PTPRD: variants seen among roughly 807,000 people sequenced by gnomAD.
The protein encoded by PTPRD is protein tyrosine phosphatase receptor type D, also known as receptor-type tyrosine-protein phosphatase delta.
PTPRD carries 34 observed loss-of-function variants against 214.5 expected under a neutral mutation model. The ratio of observed to expected loss-of-function variants is 0.16; its 90% CI spans 0.12 to 0.21. The LOEUF (loss-of-function observed/expected upper bound fraction) is 0.21. PTPRD is among the 10% of genes least tolerant of loss of function. The pLI, the probability that PTPRD is intolerant of heterozygous loss-of-function variation, is 1.00. For synonymous variants in PTPRD, 1,128 were observed against 845.7 expected (o/e 1.33, Z -5.79); for missense variants, 2,545 against 2,398.7 (o/e 1.06, Z -1.27).
intron 12 of PTPRD, among the ~76,000 whole-genome samples, chr9:8,651,227 A>C (rs1040920552): frequency 6.6e-6 from 1 of 152,176 alleles, no homozygotes; most frequent in African/African-American, 2.4e-5. Flanking sequence ...ACCACGATGG[A>C]TCTCTGCATT....
intron 4 of PTPRD, among the ~76,000 whole-genome samples, chr9:9,969,734 T>C (rs1257823038): frequency 1.3e-5 from 2 of 152,248 alleles, no homozygotes; most frequent in African/African-American, 4.8e-5. Context: ...CCTACAGTCA[T>C]TTTAAGTGGC....
At chr9:8,449,628 G>C in intron 34 of PTPRD, 97 bp downstream of exon 34, 1 of 1,089,434 alleles carries the variant, frequency 9.2e-7, no homozygotes, top group Non-Finnish European at 1.3e-6. Flanking sequence ...GAACAAAATG[G>C]CTCAAAATAA....
At chr9:9,323,641 G>C (rs1318596765) in intron 9 of PTPRD, among the ~76,000 whole-genome samples, 1 of 152,016 alleles carries the variant, frequency 6.6e-6, no homozygotes, top group African/African-American at 2.4e-5. Context: ...TCATAATAGA[G>C]ACCATGAGAT....
chr9:9,257,787 TA>T (rs1029983501), intron 9 of PTPRD, among the ~76,000 whole-genome samples: 1 of 151,664 alleles, frequency 6.6e-6, no homozygotes, highest in African/African-American at 2.4e-5. Flanking sequence ...CTGTCTCAAT[TA>T]AAAAAAATCT....
chr9:10,219,048 C>T (rs2099554248), intron 3 of PTPRD, among the ~76,000 whole-genome samples: 1 of 151,640 alleles, frequency 6.6e-6, no homozygotes, highest in African/African-American at 2.4e-5. Context: ...AGTTAAAAAC[C>T]CAAATTCAAA....
intron 7 of PTPRD, among the ~76,000 whole-genome samples, chr9:9,716,841 G>A (rs1447497655): frequency 2.6e-5 from 4 of 151,866 alleles, no homozygotes; most frequent in East Asian, 1.9e-4. Flanking sequence ...CTGTGCAGAA[G>A]CTCTTTAGTT....
Position 8,786,003 on chromosome 9 carries a change from G to C in PTPRD, c.-103-52057C>G, listed in dbSNP as rs999524731. Among the ~76,000 whole-genome samples the C allele has an allele frequency of 2.0e-5, 3 of 151,692 alleles. No individual in the cohort carries two copies. The East Asian group carries it at 5.8e-4, about 29-fold the overall frequency. ...TGCTACAGATAGATAACAAACACCA[G>C]ACAGGCAGTCTGAGAAGCCGCTTAA... is the stretch of plus-strand genomic sequence containing the variant. On this transcript the variant is annotated intron_variant, in intron 11 of 45. Coordinates refer to ENST00000381196, the MANE Select transcript of PTPRD (RefSeq NM_002839.4).
chr9:10,477,485 A>T (rs1434638930), intron 2 of PTPRD, among the ~76,000 whole-genome samples: 1 of 152,114 alleles, frequency 6.6e-6, no homozygotes, highest in Non-Finnish European at 1.5e-5. Context: ...GAAACAACAG[A>T]TGTTGAAGAG....
Position 9,364,530 on chromosome 9 carries a change from A to G in PTPRD, c.-203+32919T>C, listed in dbSNP as rs138926933. Among the ~76,000 whole-genome samples, 728 of 151,576 alleles carry G rather than the reference A, an allele frequency of 4.8e-3. 3 individuals carry two copies. The highest frequency in any genetic ancestry group is 0.016 in the African/African-American group (674 of 41,456). Reference sequence around the variant, plus strand: ...TGGTATGAGGCAGCTATCCCTGCACATATACGAGGGAAGAGCATTCTATGC... The same window carrying G: ...TGGTATGAGGCAGCTATCCCTGCACGTATACGAGGGAAGAGCATTCTATGC... On this transcript the variant is annotated intron_variant, in intron 9 of 45. Transcript: ENST00000381196.
At chr9:9,190,673 A>G (rs2099934593) in intron 9 of PTPRD, among the ~76,000 whole-genome samples, 1 of 152,054 alleles carries the variant, frequency 6.6e-6, no homozygotes, top group South Asian at 2.1e-4. Flanking sequence ...TAGCCCTGAG[A>G]ACTGTGAGCC....
At chr9:9,926,671 T>C (rs1368540441) in intron 5 of PTPRD, among the ~76,000 whole-genome samples, 1 of 152,152 alleles carries the variant, frequency 6.6e-6, no homozygotes, top group East Asian at 1.9e-4. Flanking sequence ...ACAAAAATGA[T>C]AGTTGAAAGC....
intron 5 of PTPRD, among the ~76,000 whole-genome samples, chr9:9,820,628 A>C (rs925587000): frequency 2.6e-5 from 4 of 152,156 alleles, no homozygotes; most frequent in African/African-American, 9.7e-5. Context: ...TCTTACATTT[A>C]AATCTTTAAT....
chr9:8,696,653 G>T (rs1333343480), intron 12 of PTPRD, among the ~76,000 whole-genome samples: 3 of 152,200 alleles, frequency 2.0e-5, no homozygotes, highest in African/African-American at 7.2e-5. Flanking sequence ...GGATGAAAAT[G>T]TCAAGAGAAT....
At position 8,389,341 on chromosome 9, in the gene PTPRD, A is replaced by G. The variant is rs2088555411; in HGVS notation, c.4277T>C (p.Ile1426Thr). The G allele has an allele frequency of 6.2e-7, 1 of 1,613,096 alleles. No homozygotes were observed. The highest frequency in any genetic ancestry group is 8.5e-7 in the Non-Finnish European group (1 of 1,179,372). The change falls in exon 37 of 46, where the codon ATT (isoleucine) becomes ACT (threonine). Residue 1426 changes from isoleucine to threonine, a missense_variant. By Grantham distance (89) the Ile-to-Thr change is moderately conservative (BLOSUM62 -1). Coordinates refer to ENST00000381196, the MANE Select transcript of PTPRD (RefSeq NM_002839.4). ...IDGYRKQNAY[I>T]ATQGSLPETF... ...TTCGGGGAGAGATCCCTGTGTTGCA[A>G]TATAGGCATTTTGCTTCCTATACCC...
At chr9:9,375,382 G>A (rs2060511788) in intron 9 of PTPRD, among the ~76,000 whole-genome samples, 1 of 152,130 alleles carries the variant, frequency 6.6e-6, no homozygotes, top group Non-Finnish European at 1.5e-5. Context: ...CAGATCATGA[G>A]GTCAGGAGTT....
Position 10,238,371 on chromosome 9 carries a change from G to C in PTPRD, c.-545+102592C>G, listed in dbSNP as rs1471481651. On this transcript the variant is annotated intron_variant, in intron 3 of 45. Transcript: ENST00000381196. ...TACCAATCAGAACTTGCCAGTTCCT[G>C]AAAAACTTTACTAGTGCTACTGAAT... Among the ~76,000 whole-genome samples, 7 of 151,916 alleles carry C rather than the reference G, an allele frequency of 4.6e-5. No homozygotes were observed. The East Asian group carries it at 1.2e-3, about 25-fold the overall frequency.
intron 2 of PTPRD, among the ~76,000 whole-genome samples, chr9:10,423,241 T>C (rs138478934): frequency 3.3e-5 from 5 of 151,828 alleles, no homozygotes; most frequent in Middle Eastern, 3.4e-3. Flanking sequence ...CACTCATAGG[T>C]GGGAATTGAA....
chr9:9,133,618 G>A (rs2099846218), intron 10 of PTPRD, among the ~76,000 whole-genome samples: 1 of 152,190 alleles, frequency 6.6e-6, no homozygotes, highest in African/African-American at 2.4e-5. Flanking sequence ...AGGGATTTTA[G>A]ATGTGAGTAC....
At chr9:10,075,169 T>C (rs1351081086) in intron 3 of PTPRD, among the ~76,000 whole-genome samples, 1 of 152,134 alleles carries the variant, frequency 6.6e-6, no homozygotes, top group Non-Finnish European at 1.5e-5. Context: ...AAGGCTTGTA[T>C]CTTTTGCTGA....
Sources: allele counts gnomAD v4.1 joint callset (sites outside exome capture counted in the v4.1 genomes callset), GRCh38; gene constraint gnomAD v4.1.1; transcripts MANE v1.5; gene names NCBI Gene and HGNC (gene_info 2026-07-23, HGNC 2026-07-21).